RIMS2: variants seen among roughly 807,000 people sequenced by gnomAD.
The protein encoded by RIMS2 is regulating synaptic membrane exocytosis 2.
Under a neutral mutation model 174.4 loss-of-function variants are expected in RIMS2, and 59 were observed. The ratio of observed to expected loss-of-function variants is 0.34; its 90% CI spans 0.27 to 0.42. The LOEUF (loss-of-function observed/expected upper bound fraction) is 0.42, where lower values mean the gene tolerates loss of function less well. Among genes scored for constraint, RIMS2 ranks in the 10% least tolerant of loss-of-function variants. The probability of loss-of-function intolerance (pLI) is 1.00; values close to 1 mark genes in which losing one functional copy is unlikely to be tolerated. For missense variants in RIMS2, 1,620 were observed against 1,666.3 expected, an observed-to-expected ratio of 0.97 and a Z score of 0.48; for synonymous variants, 606 against 572.5, an observed-to-expected ratio of 1.06 and a Z score of -0.84.
intron 14 of RIMS2, among the ~76,000 whole-genome samples, chr8:103,946,756 G>A (rs1328241817): frequency 2.6e-5 from 4 of 152,106 alleles, no homozygotes; most frequent in East Asian, 1.9e-4. Context: ...GCTGAAATTA[G>A]TAAGCAGATT....
At chr8:103,515,225 T>C (rs1828429173) in intron 1 of RIMS2, among the ~76,000 whole-genome samples, 1 of 152,232 alleles carries the variant, frequency 6.6e-6, no homozygotes, top group African/African-American at 2.4e-5. Flanking sequence ...AATTTTTCTT[T>C]AGGACTCATA....
At chr8:104,102,849 T>A (rs1380635629) in intron 19 of RIMS2, among the ~76,000 whole-genome samples, 1 of 152,138 alleles carries the variant, frequency 6.6e-6, no homozygotes, top group Non-Finnish European at 1.5e-5. Flanking sequence ...ACATGGGGAT[T>A]ATGGGAGCTA....
chr8:104,214,437 A>T (rs985043009), intron 19 of RIMS2, among the ~76,000 whole-genome samples: 2 of 151,950 alleles, frequency 1.3e-5, no homozygotes, highest in Non-Finnish European at 2.9e-5. Flanking sequence ...AGACAGACAA[A>T]CCCTTATTGA....
intron 4 of RIMS2, among the ~76,000 whole-genome samples, chr8:103,889,877 G>A (rs1482174450): frequency 4.6e-5 from 7 of 151,884 alleles, no homozygotes; most frequent in Admixed American, 3.3e-4. Context: ...AACAAAAACA[G>A]AGAGGTTTCA....
intron 19 of RIMS2, among the ~76,000 whole-genome samples, chr8:104,071,658 A>C (rs564748225): frequency 6.6e-6 from 1 of 152,198 alleles, no homozygotes; most frequent in African/African-American, 2.4e-5. Context: ...GGATGGTCTC[A>C]ATCTACTGAC....
intron 2 of RIMS2, among the ~76,000 whole-genome samples, chr8:103,712,616 T>G (rs1199110956): frequency 6.6e-6 from 1 of 152,194 alleles, no homozygotes; most frequent in African/African-American, 2.4e-5. Flanking sequence ...TAATAGAATC[T>G]ATAATGAATT....
intron 3 of RIMS2, among the ~76,000 whole-genome samples, chr8:103,798,042 A>T (rs1048151422): frequency 1.3e-5 from 2 of 152,158 alleles, no homozygotes; most frequent in African/African-American, 4.8e-5. Context: ...AAAATTCCCA[A>T]TGGAATCATA....
intron 19 of RIMS2, among the ~76,000 whole-genome samples, chr8:104,215,467 A>G (rs2099125855): frequency 6.6e-6 from 1 of 152,250 alleles, no homozygotes; most frequent in Non-Finnish European, 1.5e-5. Context: ...TAAATATGCA[A>G]ACTTTTTACA....
intron 3 of RIMS2, among the ~76,000 whole-genome samples, chr8:103,884,482 G>C (rs2099188196): frequency 6.6e-6 from 1 of 151,774 alleles, no homozygotes; most frequent in Non-Finnish European, 1.5e-5. Flanking sequence ...CTTATTGCAA[G>C]GTTCACTAGG....
intron 1 of RIMS2, among the ~76,000 whole-genome samples, chr8:103,675,507 G>A (rs370578697): frequency 6.6e-6 from 1 of 152,152 alleles, no homozygotes; most frequent in East Asian, 1.9e-4. Context: ...TACCTTGGAT[G>A]CCTGTCCAGA....
chr8:103,957,893 CAA>C, intron 14 of RIMS2, among the ~76,000 whole-genome samples: 1 of 152,170 alleles, frequency 6.6e-6, no homozygotes, highest in East Asian at 1.9e-4. Context: ...ATTAAAAAGT[CAA>C]AGAATAACAG....
intron 1 of RIMS2, among the ~76,000 whole-genome samples, chr8:103,549,924 T>C (rs1432617163): frequency 1.3e-5 from 2 of 151,192 alleles, no homozygotes; most frequent in Admixed American, 6.6e-5. Context: ...GAGCTAACTA[T>C]CCTAAATGCA....
At chr8:103,882,046 A>G (rs953268869) in intron 3 of RIMS2, among the ~76,000 whole-genome samples, 1 of 151,482 alleles carries the variant, frequency 6.6e-6, no homozygotes, top group Non-Finnish European at 1.5e-5. Context: ...GATTAAGTGA[A>G]ATGTAAAATC....
chr8:103,812,147 G>A (rs779148541), intron 3 of RIMS2, among the ~76,000 whole-genome samples: 1 of 152,018 alleles, frequency 6.6e-6, no homozygotes, highest in Non-Finnish European at 1.5e-5. Flanking sequence ...GAAAACTGAT[G>A]TAACAATTCT....
Position 103,589,640 on chromosome 8 carries a change from C to G in RIMS2, c.176+88578C>G, listed in dbSNP as rs182464974. 3.6e-4 allele frequency among the ~76,000 whole-genome samples: 54 copies of G among 151,620 alleles called. No individual in the cohort carries two copies. In the East Asian group the frequency reaches 9.1e-3, roughly 25 times the overall value. On this transcript the variant is annotated intron_variant, in intron 1 of 23. Transcript: ENST00000504942. ...AGTATCTGAACTCCTATGTTTGTTG[C>G]AGCTCTGTTTTTACAATAGCTAAGA... is the stretch of plus-strand genomic sequence containing the variant.
At chr8:104,122,961 A>C (rs2098396158) in intron 19 of RIMS2, among the ~76,000 whole-genome samples, 1 of 152,164 alleles carries the variant, frequency 6.6e-6, no homozygotes, top group Non-Finnish European at 1.5e-5. Flanking sequence ...TGCTGAATAA[A>C]GAATGTATGA....
rs1172909977 is a variant in RIMS2 at position 103,760,498 on chromosome 8, TGAG to T, written c.388-5727_388-5725del. ...CAAAATCCACCATGGCAGTGCTGGG[TGAG>T]GGCTTGTAGTTTAGTAGCGCAAGCT... On this transcript the variant is annotated intron_variant, in intron 2 of 23. Coordinates refer to ENST00000504942, the Ensembl canonical transcript of RIMS2. Among the ~76,000 whole-genome samples, 3 of 152,358 alleles carry T rather than the reference TGAG, an allele frequency of 2.0e-5. No homozygotes were observed. The East Asian group carries it at 5.8e-4, about 29-fold the overall frequency.
At chr8:104,077,881 G>A (rs867015800) in intron 19 of RIMS2, among the ~76,000 whole-genome samples, 19 of 151,612 alleles carry the variant, frequency 1.3e-4, no homozygotes, top group Non-Finnish European at 5.9e-5. Context: ...GGTGGCTCAC[G>A]CCCGTAATCC....
intron 3 of RIMS2, among the ~76,000 whole-genome samples, chr8:103,824,439 A>G (rs964813117): frequency 9.2e-5 from 14 of 152,322 alleles, no homozygotes; most frequent in African/African-American, 3.4e-4. Context: ...CCTAGGACTC[A>G]TCCACAATTT....
Sources: allele counts gnomAD v4.1 joint callset (sites outside exome capture counted in the v4.1 genomes callset), GRCh38; gene constraint gnomAD v4.1.1; transcripts MANE v1.5; gene names NCBI Gene and HGNC (gene_info 2026-07-23, HGNC 2026-07-21).